Variants in DSCAM observed in about 807,000 individuals in gnomAD.
DSCAM encodes the protein cell adhesion molecule DSCAM.
DSCAM carries 47 observed loss-of-function variants against 217.7 expected under a neutral mutation model. That is an observed-to-expected ratio of 0.22 (90% CI 0.17 to 0.28). The LOEUF is 0.28. Ranked by LOEUF, DSCAM falls within the 10% of genes least tolerant of loss-of-function variation. The pLI is 1.00. For synonymous variants in DSCAM, 1,056 were observed against 1,015.3 expected (o/e 1.04, Z -0.76); for missense variants, 2,080 against 2,618.3 (o/e 0.79, Z 4.49).
intron 14 of DSCAM, among the ~76,000 whole-genome samples, chr21:40,184,403 T>C (rs2090871336): frequency 6.6e-6 from 1 of 152,176 alleles, no homozygotes; most frequent in South Asian, 2.1e-4. Flanking sequence ...GGTAGAGACC[T>C]TGGTCATGGA....
At chr21:40,791,272 A>G (rs1017163784) in intron 1 of DSCAM, among the ~76,000 whole-genome samples, 4 of 152,102 alleles carry the variant, frequency 2.6e-5, no homozygotes, top group African/African-American at 9.7e-5. Context: ...GTTTATGTCT[A>G]TCTTCCAAGA....
At position 40,520,053 on chromosome 21, in the gene DSCAM, G is replaced by A. The variant is rs550907695; in HGVS notation, c.509-150808C>T. On this transcript the variant is annotated intron_variant, in intron 3 of 32. Coordinates refer to ENST00000400454, the MANE Select transcript of DSCAM (RefSeq NM_001389.5). ...ACATATTTATATTATTTCAGATCTTGCATCTATTAGAAGGCATTTAACAAC... is the reference window on the plus strand; with the variant it reads ...ACATATTTATATTATTTCAGATCTTACATCTATTAGAAGGCATTTAACAAC... Among the ~76,000 whole-genome samples, 4 of 152,074 alleles carry A rather than the reference G, an allele frequency of 2.6e-5. No homozygotes were observed. In the East Asian group the frequency reaches 7.7e-4, roughly 29 times the overall value.
At chr21:40,392,467 A>G (rs1410315449) in intron 3 of DSCAM, among the ~76,000 whole-genome samples, 1 of 152,214 alleles carries the variant, frequency 6.6e-6, no homozygotes, top group African/African-American at 2.4e-5. Context: ...CCTGTAAAGC[A>G]TATATTTTCA....
rs2089908263 is a variant in DSCAM, at chr21:40,112,251, G to T, written c.3696+11944C>A. ...ACAGGTCAATCAAACTAGAACTCAG[G>T]ATTAAGAATCTCACTCAAAATCGCT... On this transcript the variant is annotated intron_variant, in intron 20 of 32. Transcript: ENST00000400454. Among the ~76,000 whole-genome samples, 2 of 147,992 alleles carry T rather than the reference G, an allele frequency of 1.4e-5. 1 individual carries two copies. The highest frequency in any genetic ancestry group is 3.0e-5 in the Non-Finnish European group (2 of 65,814).
intron 3 of DSCAM, among the ~76,000 whole-genome samples, chr21:40,498,221 T>C (rs1261569414): frequency 6.6e-6 from 1 of 152,170 alleles, no homozygotes; most frequent in African/African-American, 2.4e-5. Context: ...GGAATTACTA[T>C]TGTCAATTGT....
intron 18 of DSCAM, among the ~76,000 whole-genome samples, chr21:40,141,733 G>C (rs973143691): frequency 4.6e-5 from 7 of 152,118 alleles, no homozygotes; most frequent in Non-Finnish European, 8.8e-5. Context: ...CCCCAGGCTT[G>C]GGACAGAGAC....
chr21:40,473,955 T>G (rs773504357), intron 3 of DSCAM, among the ~76,000 whole-genome samples: 2 of 152,194 alleles, frequency 1.3e-5, no homozygotes, highest in African/African-American at 2.4e-5. Flanking sequence ...CTCAGTGGCA[T>G]GTTTTTGTGG....
chr21:40,305,077 G>A (rs182904886), intron 9 of DSCAM, among the ~76,000 whole-genome samples: 4 of 152,154 alleles, frequency 2.6e-5, no homozygotes, highest in East Asian at 1.9e-4. Flanking sequence ...TAAAAAATGC[G>A]ATATCTGGGA....
At chr21:40,185,045 G>T (rs1210497273) in intron 14 of DSCAM, among the ~76,000 whole-genome samples, 1 of 152,192 alleles carries the variant, frequency 6.6e-6, no homozygotes, top group Non-Finnish European at 1.5e-5. Context: ...GGAGAAATGA[G>T]CTGGGTGAAA....
intron 3 of DSCAM, among the ~76,000 whole-genome samples, chr21:40,422,636 C>T (rs1278290410): frequency 6.6e-6 from 1 of 151,990 alleles, no homozygotes; most frequent in African/African-American, 2.4e-5. Flanking sequence ...AGTGAGACTC[C>T]GTCTCAATAA....
At chr21:40,456,240 C>A (rs910380897) in intron 3 of DSCAM, among the ~76,000 whole-genome samples, 6 of 151,532 alleles carry the variant, frequency 4.0e-5, no homozygotes, top group African/African-American at 1.5e-4. Context: ...AGAACTGTAT[C>A]TAAATTAGTA....
intron 3 of DSCAM, among the ~76,000 whole-genome samples, chr21:40,462,132 C>T (rs2075810877): frequency 6.6e-6 from 1 of 152,138 alleles, no homozygotes; most frequent in South Asian, 2.1e-4. Context: ...TAACCCACGT[C>T]TTTCCTCTTG....
intron 3 of DSCAM, among the ~76,000 whole-genome samples, chr21:40,672,059 G>C (rs2090282927): frequency 6.6e-6 from 1 of 152,208 alleles, no homozygotes; most frequent in Non-Finnish European, 1.5e-5. Flanking sequence ...ACATGGCAGA[G>C]AGAGAAAGAG....
intron 14 of DSCAM, among the ~76,000 whole-genome samples, chr21:40,180,232 A>G (rs914191549): frequency 2.6e-5 from 4 of 152,210 alleles, no homozygotes; most frequent in Non-Finnish European, 5.9e-5. Flanking sequence ...ACTTTGTCAC[A>G]CTAAGGGTGA....
chr21:40,370,303 G>A (rs1333881474), intron 3 of DSCAM, among the ~76,000 whole-genome samples: 2 of 150,002 alleles, frequency 1.3e-5, no homozygotes, highest in Non-Finnish European at 3.0e-5. Flanking sequence ...GCACCTTCCC[G>A]GTGGGTAACT....
intron 3 of DSCAM, among the ~76,000 whole-genome samples, chr21:40,644,156 C>G (rs1447034615): frequency 6.6e-6 from 1 of 152,330 alleles, no homozygotes; most frequent in South Asian, 2.1e-4. Flanking sequence ...GCAGAGTGAG[C>G]AAAGCCAGCA....
At chr21:40,248,367 A>G (rs1474129968) in intron 11 of DSCAM, among the ~76,000 whole-genome samples, 1 of 152,210 alleles carries the variant, frequency 6.6e-6, no homozygotes, top group African/African-American at 2.4e-5. Context: ...AATGCCTTTA[A>G]CAGCACCCAA....
chr21:40,626,293 T>C (rs2089599694), intron 3 of DSCAM, among the ~76,000 whole-genome samples: 2 of 152,096 alleles, frequency 1.3e-5, no homozygotes, highest in South Asian at 2.1e-4. Context: ...TGAAAATGTA[T>C]CTCACATCTC....
At chr21:40,533,675 GTCCATCCA>G (rs1191419708) in intron 3 of DSCAM, among the ~76,000 whole-genome samples, 1 of 123,262 alleles carries the variant, frequency 8.1e-6, no homozygotes, top group African/African-American at 3.1e-5. Flanking sequence ...TCATCCATCT[GTCCATCCA>G]TCCATCCATC....
Sources: gnomAD v4.1 joint callset for allele counts (sites outside exome capture counted in the v4.1 genomes callset) on GRCh38, gnomAD v4.1.1 for gene constraint, MANE v1.5 for transcripts, NCBI Gene and HGNC (gene_info 2026-07-23, HGNC 2026-07-21) for gene names.